The following CCSER1 variants were observed in gnomAD, a reference collection of about 807,000 sequenced individuals.
CCSER1 encodes the protein serine-rich coiled-coil domain-containing protein 1.
CCSER1 carries 41 observed loss-of-function variants against 82.0 expected under a neutral mutation model. The ratio of observed to expected loss-of-function variants is 0.50; its 90% confidence interval spans 0.39 to 0.65. The LOEUF (loss-of-function observed/expected upper bound fraction) is 0.65. Ranked by LOEUF, CCSER1 falls within the 30% of genes least tolerant of loss-of-function variation. The pLI is 0.00. For synonymous variants in CCSER1, 414 were observed against 383.9 expected, an observed-to-expected ratio of 1.08 and a Z score of -0.92; for missense variants, 1,119 against 1,064.2, an observed-to-expected ratio of 1.05 and a Z score of -0.72.
chr4:91,413,231 C>A (rs1212291562), intron 10 of CCSER1, among the ~76,000 whole-genome samples: 1 of 152,094 alleles, frequency 6.6e-6, no homozygotes, highest in East Asian at 1.9e-4. Flanking sequence ...TAGCTTAAGG[C>A]CAGGAGTTTG....
intron 3 of CCSER1, among the ~76,000 whole-genome samples, chr4:90,381,383 T>G (rs75712378): frequency 0.015 from 2,279 of 152,324 alleles, 35 homozygotes; most frequent in Middle Eastern, 0.034. Flanking sequence ...GAACTAATGG[T>G]ATATTTTACG....
intron 5 of CCSER1, among the ~76,000 whole-genome samples, chr4:90,590,289 A>T (rs543046604): frequency 1.1e-4 from 16 of 151,766 alleles, no homozygotes; most frequent in African/African-American, 3.6e-4. Flanking sequence ...CTCAAAAATA[A>T]AGAAGATTGG....
At chr4:91,195,149 A>C (rs1165955134) in intron 10 of CCSER1, among the ~76,000 whole-genome samples, 1 of 152,230 alleles carries the variant, frequency 6.6e-6, no homozygotes, top group Non-Finnish European at 1.5e-5. Context: ...GTCCATGCTG[A>C]GAGCTAGTAA....
intron 7 of CCSER1, among the ~76,000 whole-genome samples, chr4:90,789,705 C>T (rs575812063): frequency 1.3e-5 from 2 of 152,314 alleles, no homozygotes; most frequent in South Asian, 2.1e-4. Context: ...CTAGCTCTTT[C>T]TTCTTGCCTG....
chr4:90,927,342 G>GCCATT (rs1230173408), intron 9 of CCSER1, among the ~76,000 whole-genome samples: 1 of 151,966 alleles, frequency 6.6e-6, no homozygotes, highest in African/African-American at 2.4e-5. Flanking sequence ...TTAATAAGAA[G>GCCATT]CCATTTTTAG....
intron 10 of CCSER1, among the ~76,000 whole-genome samples, chr4:91,315,994 T>G (rs971060590): frequency 1.3e-5 from 2 of 151,894 alleles, no homozygotes; most frequent in African/African-American, 4.8e-5. Context: ...AAGGGTGGGT[T>G]TTTTCCCATG....
intron 8 of CCSER1, among the ~76,000 whole-genome samples, chr4:90,855,810 G>A (rs1045484731): frequency 2.0e-5 from 3 of 152,000 alleles, no homozygotes; most frequent in African/African-American, 7.2e-5. Flanking sequence ...CTATGTCTTT[G>A]GAATAAGTAG....
chr4:91,120,765 C>T (rs548866405), intron 10 of CCSER1, among the ~76,000 whole-genome samples: 1 of 151,912 alleles, frequency 6.6e-6, no homozygotes, highest in African/African-American at 2.4e-5. Context: ...TGGCTGGGGC[C>T]TGGGCTATGT....
intron 9 of CCSER1, among the ~76,000 whole-genome samples, chr4:90,983,044 G>T (rs1736262193): frequency 6.6e-6 from 1 of 151,718 alleles, no homozygotes; most frequent in Admixed American, 6.6e-5. Context: ...CCAGTCAGCA[G>T]CATGACTTAC....
intron 10 of CCSER1, among the ~76,000 whole-genome samples, chr4:91,324,065 T>C (rs894903841): frequency 1.3e-5 from 2 of 152,192 alleles, no homozygotes; most frequent in African/African-American, 4.8e-5. Flanking sequence ...TACAGATTGT[T>C]GTTAAAGCTG....
intron 5 of CCSER1, among the ~76,000 whole-genome samples, chr4:90,565,157 G>A (rs1177825194): frequency 6.6e-6 from 1 of 151,202 alleles, no homozygotes; most frequent in Non-Finnish European, 1.5e-5. Flanking sequence ...TTCAATTCAT[G>A]AACATGTGAG....
At chr4:90,548,727 GAT>G (rs60880201) in intron 5 of CCSER1, among the ~76,000 whole-genome samples, 26,018 of 143,224 alleles carry the variant, frequency 0.18, 2,846 homozygotes, top group East Asian at 0.42. Context: ...ATCATTTAAA[GAT>G]ATATATATAT....
intron 7 of CCSER1, among the ~76,000 whole-genome samples, chr4:90,792,720 G>A (rs761725707): frequency 7.2e-5 from 11 of 152,246 alleles, no homozygotes; most frequent in Non-Finnish European, 1.3e-4. Context: ...CGTCGGGGCA[G>A]GATAGCAGCA....
chr4:91,000,046 C>A (rs1737866678), intron 9 of CCSER1, among the ~76,000 whole-genome samples: 1 of 152,050 alleles, frequency 6.6e-6, no homozygotes, highest in Admixed American at 6.6e-5. Flanking sequence ...ATACGGAGTT[C>A]TTTCCCCACT....
At chr4:90,301,152 C>T (rs1733023763) in intron 1 of CCSER1, among the ~76,000 whole-genome samples, 1 of 151,964 alleles carries the variant, frequency 6.6e-6, no homozygotes, top group East Asian at 1.9e-4. Flanking sequence ...TTTAAAATGT[C>T]TTAATTATGT....
At chr4:90,441,576 A>G (rs1759882955) in intron 4 of CCSER1, among the ~76,000 whole-genome samples, 1 of 152,064 alleles carries the variant, frequency 6.6e-6, no homozygotes, top group Admixed American at 6.6e-5. Context: ...ATACCATCAC[A>G]TTGGGGGTTA....
chr4:90,440,933 T>C (rs2153572554), intron 4 of CCSER1, among the ~76,000 whole-genome samples: 1 of 152,130 alleles, frequency 6.6e-6, no homozygotes, highest in Admixed American at 6.5e-5. Flanking sequence ...AAGAGCCAAT[T>C]TAGCTTCGAG....
chr4:90,595,528 G>A (rs894244111), intron 5 of CCSER1, among the ~76,000 whole-genome samples: 1 of 151,720 alleles, frequency 6.6e-6, no homozygotes, highest in Admixed American at 6.6e-5. Flanking sequence ...CCTAGTTTGG[G>A]CTCTGAGACA....
chr4:90,773,016 G>A (rs1169799564), intron 7 of CCSER1, among the ~76,000 whole-genome samples: 8 of 152,104 alleles, frequency 5.3e-5, no homozygotes, highest in African/African-American at 9.7e-5. Flanking sequence ...CAAGGCGGGC[G>A]GATCACCTGA....
Sources: allele counts gnomAD v4.1 joint callset (sites outside exome capture counted in the v4.1 genomes callset), GRCh38; gene constraint gnomAD v4.1.1; transcripts MANE v1.5; gene names NCBI Gene and HGNC (gene_info 2026-07-23, HGNC 2026-07-21).